The following C20orf203 variants were observed in gnomAD, a reference collection of about 807,000 sequenced individuals.
C20orf203 encodes uncharacterized protein C20orf203.
Under a neutral mutation model 15.9 loss-of-function variants are expected in C20orf203, and 16 were observed. That is an observed-to-expected ratio of 1.01 (90% CI 0.68 to 1.53). The LOEUF (loss-of-function observed/expected upper bound fraction) is 1.53. C20orf203 is among the 40% of genes most tolerant of loss of function. C20orf203 has a pLI of 0.00. For synonymous variants in C20orf203, 98 were observed against 97.2 expected (o/e 1.01, Z -0.05); for missense variants, 263 against 247.5 (o/e 1.06, Z -0.42).
In C20orf203 at chr20:32,650,256, A is replaced by G. The variant is rs1982566223; in HGVS notation, c.*176T>C. Reference sequence around the variant, plus strand: ...CTAATCATGTTTGCTGAATGCCTTGAATACAAGCGCCGGTGCCCAGAATCT... The same window carrying G: ...CTAATCATGTTTGCTGAATGCCTTGGATACAAGCGCCGGTGCCCAGAATCT... On this transcript the variant is annotated 3_prime_UTR_variant, in exon 4 of 6. Coordinates refer to ENST00000608990, the MANE Select transcript of C20orf203 (RefSeq NM_182584.4). 10 of 605,698 alleles carry G rather than the reference A, an allele frequency of 1.7e-5. No homozygotes were observed. In the Admixed American group the frequency reaches 2.4e-4, roughly 14 times the overall value. The allele number at this position is 605,698 out of a possible 1,614,324, so 37.5% of individuals were successfully genotyped here. A position where few individuals can be genotyped will look rare whatever the true frequency, so the allele number is the denominator to read the frequency against.
intron 4 of C20orf203, among the ~76,000 whole-genome samples, chr20:32,643,870 T>C (rs565920301): frequency 2.6e-5 from 4 of 152,312 alleles, no homozygotes; most frequent in Admixed American, 6.5e-5. Flanking sequence ...CTAAAAATCA[T>C]CATCATCACC....
chr20:32,639,910 T>C lies in C20orf203; in HGVS notation c.*1299+656A>G, dbSNP rs546575218. Among the ~76,000 whole-genome samples the C allele has an allele frequency of 2.0e-5, 3 of 152,294 alleles. No individual in the cohort carries two copies. In the South Asian group the frequency reaches 6.2e-4, roughly 32 times the overall value. On this transcript the variant is annotated intron_variant, in intron 5 of 5. Coordinates refer to ENST00000608990, the MANE Select transcript of C20orf203 (RefSeq NM_182584.4). ...TAATCATAACAGGCCCTTGGATTCC[T>C]GAGTGTTTTCCAAGGGTTGGGGTCT...
chr20:32,655,838 G>A (rs1463822494), intron 1 of C20orf203, among the ~76,000 whole-genome samples: 2 of 152,202 alleles, frequency 1.3e-5, no homozygotes, highest in Non-Finnish European at 2.9e-5. Flanking sequence ...TGGTTGGGAT[G>A]TTTGTCTCCT....
At chr20:32,645,419 C>A (rs1982397790) in intron 4 of C20orf203, among the ~76,000 whole-genome samples, 1 of 152,188 alleles carries the variant, frequency 6.6e-6, no homozygotes, top group Admixed American at 6.5e-5. Flanking sequence ...ATCATACAAA[C>A]CTCTCTGCAA....
chr20:32,644,642 C>T (rs1600928655), intron 4 of C20orf203, among the ~76,000 whole-genome samples: 1 of 152,046 alleles, frequency 6.6e-6, no homozygotes, highest in African/African-American at 2.4e-5. Context: ...TCAAGTAGCC[C>T]CTCACATCTC....
At chr20:32,659,103 C>T (rs956203368) in intron 1 of C20orf203, among the ~76,000 whole-genome samples, 65 of 152,118 alleles carry the variant, frequency 4.3e-4, no homozygotes, top group African/African-American at 1.6e-3. Context: ...TCTCAAACTC[C>T]CAAACTCAAG....
intron 1 of C20orf203, among the ~76,000 whole-genome samples, chr20:32,669,923 C>T (rs556135943): frequency 1.1e-4 from 17 of 152,312 alleles, no homozygotes; most frequent in African/African-American, 3.6e-4. Flanking sequence ...AATATCCGGC[C>T]GGGCACAGTT....
Position 32,634,002 on chromosome 20 carries a change from T to C in C20orf203, c.*1568A>G. ...TTCATTCATGTGTCCAACTCTTCAC[T>C]CCTTTCCTCAACAAACATTGACTGA... On this transcript the variant is annotated 3_prime_UTR_variant, in exon 6 of 6. Coordinates refer to ENST00000608990, the MANE Select transcript of C20orf203 (RefSeq NM_182584.4). The C allele has an allele frequency of 5.0e-6, 2 of 398,626 alleles. No individual in the cohort carries two copies. The highest frequency in any genetic ancestry group is 8.8e-5 in the Admixed American group (2 of 22,718). 24.7% of individuals were successfully genotyped at this position (398,626 alleles called of 1,614,324 possible).
chr20:32,669,333 G>A (rs891656520), intron 1 of C20orf203, among the ~76,000 whole-genome samples: 3 of 152,196 alleles, frequency 2.0e-5, no homozygotes, highest in African/African-American at 4.8e-5. Flanking sequence ...ATATGCCTCC[G>A]AGGACACAGA....
chr20:32,661,923 C>T (rs960393706), intron 1 of C20orf203, among the ~76,000 whole-genome samples: 2 of 152,186 alleles, frequency 1.3e-5, no homozygotes, highest in Non-Finnish European at 2.9e-5. Context: ...TCCTAGCCCC[C>T]GGGGAGGCCC....
chr20:32,631,930 A>T lies in C20orf203; in HGVS notation c.*3640T>A, dbSNP rs958657677. On this transcript the variant is annotated 3_prime_UTR_variant, in exon 6 of 6. Coordinates refer to ENST00000608990, the MANE Select transcript of C20orf203 (RefSeq NM_182584.4). ...TTTCCACAGCAGCAGTAGCATACGC[A>T]GGTCCCTGCAATCTGGAGGTATGTG... 2.6e-5 allele frequency: 4 copies of T among 152,272 alleles called. No individual in the cohort carries two copies. Among genetic ancestry groups the T allele is most frequent in the African/African-American group, 7.2e-5 (3 of 41,460 alleles). The allele number at this position is 152,272 out of a possible 1,614,324, so 9.4% of individuals were successfully genotyped here.
chr20:32,673,250 G>A (rs1237572291), intron 1 of C20orf203, among the ~76,000 whole-genome samples: 21 of 152,290 alleles, frequency 1.4e-4, no homozygotes, highest in Admixed American at 1.4e-3. Context: ...AGAGGCAGGA[G>A]GGAGTGAAGA....
rs552047684 is a variant in C20orf203 at position 32,638,568 on chromosome 20, G to C, written c.*1299+1998C>G. Among the ~76,000 whole-genome samples the C allele has an allele frequency of 7.9e-5, 12 of 152,336 alleles. No individual in the cohort carries two copies. The East Asian group carries it at 2.3e-3, about 29-fold the overall frequency. On this transcript the variant is annotated intron_variant, in intron 5 of 5. Coordinates refer to ENST00000608990, the MANE Select transcript of C20orf203 (RefSeq NM_182584.4). ...CCACTTGGTGGCCACCCTGGAAGAG[G>C]TGAGGGTAACCAAAGGGAAGAGGAC...
At chr20:32,658,075 C>CA (rs1374985995) in intron 1 of C20orf203, 2 of 151,758 alleles carry the variant, frequency 1.3e-5, no homozygotes, top group African/African-American at 4.8e-5. Context: ...CGGTGGCTCA[C>CA]GCCTGTATCT....
intron 4 of C20orf203, among the ~76,000 whole-genome samples, chr20:32,645,581 G>A (rs540853581): frequency 5.3e-5 from 8 of 152,332 alleles, no homozygotes; most frequent in South Asian, 2.1e-4. Flanking sequence ...ACTGCTGCAC[G>A]TCCTCCTGCC....
At chr20:32,657,958 C>T (rs11696232) in intron 1 of C20orf203, 39,381 of 147,058 alleles carry the variant, frequency 0.27, 6,444 homozygotes, top group Middle Eastern at 0.39. Context: ...AGACTCTGTG[C>T]GCCCCCAAAC....
At chr20:32,644,765 T>TG (rs34361199) in intron 4 of C20orf203, among the ~76,000 whole-genome samples, 31,277 of 152,114 alleles carry the variant, frequency 0.21, 3,742 homozygotes, top group Non-Finnish European at 0.27. Context: ...CTGCGAGGTT[T>TG]GGAAAATGAG....
At chr20:32,665,675 G>GT (rs1983001874) in intron 1 of C20orf203, among the ~76,000 whole-genome samples, 1 of 152,150 alleles carries the variant, frequency 6.6e-6, no homozygotes, top group Admixed American at 6.5e-5. Context: ...CGACAAAAAG[G>GT]TTTTTTAAGG....
In C20orf203 at chr20:32,634,318, C is replaced by T. The variant is rs952863619; in HGVS notation, c.*1300-48G>A. 61 of 397,764 alleles carry T rather than the reference C, an allele frequency of 1.5e-4. No individual in the cohort carries two copies. In the East Asian group the frequency reaches 1.9e-3, roughly 13 times the overall value. The allele number at this position is 397,764 out of a possible 1,614,324, so 24.6% of individuals were successfully genotyped here. The stretch of plus-strand genomic sequence containing the variant: ...GCAAGACAGGCATTGGGAGGGGAGG[C>T]GAGAGGTACTGTGACATCATGGACA... On this transcript the variant is annotated intron_variant, in intron 5 of 5. Coordinates refer to ENST00000608990, the MANE Select transcript of C20orf203 (RefSeq NM_182584.4).
Sources: allele counts gnomAD v4.1 joint callset (sites outside exome capture counted in the v4.1 genomes callset), GRCh38; gene constraint gnomAD v4.1.1; transcripts MANE v1.5; gene names NCBI Gene and HGNC (gene_info 2026-07-23, HGNC 2026-07-21).